OTUD7A: variants seen among roughly 807,000 people sequenced by gnomAD.
The protein encoded by OTUD7A is OTU deubiquitinase 7A.
OTUD7A carries 12 observed loss-of-function variants against 65.7 expected under a neutral mutation model. That is an observed-to-expected ratio of 0.18 (90% confidence interval 0.12 to 0.30). The LOEUF is 0.30. Among genes scored for constraint, OTUD7A ranks in the 10% least tolerant of loss-of-function variants. OTUD7A has a pLI of 1.00. For missense variants in OTUD7A, 1,148 were observed against 1,304.8 expected (o/e 0.88, Z 1.85); for synonymous variants, 641 against 586.3 (o/e 1.09, Z -1.35).
At position 31,751,613 on chromosome 15, in the gene OTUD7A, C is replaced by T. The variant is rs140102635; in HGVS notation, c.-99-94536G>A. Among the ~76,000 whole-genome samples the T allele has an allele frequency of 2.6e-5, 4 of 152,188 alleles. No homozygotes were observed. In the East Asian group the frequency reaches 7.7e-4, roughly 29 times the overall value. ...GTACTACCCAAAAGATACAAGCATA[C>T]GTATATTCATTGTAGCACTATTCAC... On this transcript the variant is annotated intron_variant, in intron 1 of 12. Coordinates refer to ENST00000307050, the MANE Select transcript of OTUD7A (RefSeq NM_001382637.1).
At chr15:31,588,447 G>T (rs1276115645) in intron 3 of OTUD7A, among the ~76,000 whole-genome samples, 1 of 152,198 alleles carries the variant, frequency 6.6e-6, no homozygotes, top group Non-Finnish European at 1.5e-5. Context: ...TGATGGGTTA[G>T]CAAGAAACAC....
At chr15:31,857,263 T>C (rs1897599952) in intron 1 of OTUD7A, among the ~76,000 whole-genome samples, 1 of 152,146 alleles carries the variant, frequency 6.6e-6, no homozygotes, top group Non-Finnish European at 1.5e-5. Context: ...CGGTAGCACC[T>C]AGGGCCTGCT....
At chr15:31,575,589 T>C (rs1889180839) in intron 3 of OTUD7A, among the ~76,000 whole-genome samples, 1 of 152,220 alleles carries the variant, frequency 6.6e-6, no homozygotes, top group Non-Finnish European at 1.5e-5. Flanking sequence ...ATGGGTTGAC[T>C]GAACTCTGTG....
chr15:31,720,490 C>G (rs558162417), intron 1 of OTUD7A, among the ~76,000 whole-genome samples: 7 of 151,990 alleles, frequency 4.6e-5, no homozygotes, highest in East Asian at 3.9e-4. Flanking sequence ...GGCTCTGCCC[C>G]CCGGGGTTCA....
At chr15:31,488,293 A>G (rs2041268348) in intron 10 of OTUD7A, among the ~76,000 whole-genome samples, 2 of 152,166 alleles carry the variant, frequency 1.3e-5, no homozygotes, top group Admixed American at 1.3e-4. Flanking sequence ...GGATTGACTC[A>G]TCACAAAACT....
At chr15:31,643,487 T>C (rs1161356977) in intron 3 of OTUD7A, among the ~76,000 whole-genome samples, 1 of 152,248 alleles carries the variant, frequency 6.6e-6, no homozygotes, top group Non-Finnish European at 1.5e-5. Flanking sequence ...AAAAAGTATC[T>C]TCCATAACTT....
chr15:31,510,972 C>CAT lies in OTUD7A; in HGVS notation c.894-7156_894-7155dup, dbSNP rs539746104. Among the ~76,000 whole-genome samples the CAT allele has an allele frequency of 1.3e-4, 11 of 83,366 alleles. 3 individuals are homozygous for CAT. The South Asian group carries it at 3.6e-3, about 27-fold the overall frequency. The allele number at this position is 83,366 out of a possible 152,430, so 54.7% of individuals were successfully genotyped here. A position where few individuals can be genotyped will look rare whatever the true frequency, so the allele number is the denominator to read the frequency against. On this transcript the variant is annotated intron_variant, in intron 8 of 12. Coordinates refer to ENST00000307050, the MANE Select transcript of OTUD7A (RefSeq NM_001382637.1). ...AACATATATGTATATCTATATGTAA[C>CAT]ATATGTATATCTATATGTAACATAT...
intron 1 of OTUD7A, among the ~76,000 whole-genome samples, chr15:31,750,660 C>G (rs940289015): frequency 6.6e-6 from 1 of 152,134 alleles, no homozygotes; most frequent in Admixed American, 6.5e-5. Context: ...AAAGTGGACA[C>G]ATAGATCAAT....
In OTUD7A at chr15:31,475,482, T is replaced by C. The variant is rs1190682594; in HGVS notation, c.*7812A>G. On this transcript the variant is annotated 3_prime_UTR_variant, in exon 13 of 13. Transcript: ENST00000307050. ...AATGGAGAAGCCATGTCACACAGAT[T>C]ACAGAGCTATTTTTACTTGAAATAA... 1.3e-5 allele frequency: 2 copies of C among 152,232 alleles called. No individual in the cohort carries two copies. The highest frequency in any genetic ancestry group is 2.9e-5 in the Non-Finnish European group (2 of 68,032). The allele number at this position is 152,232 out of a possible 1,614,324, so 9.4% of individuals were successfully genotyped here. A position where few individuals can be genotyped will look rare whatever the true frequency, so the allele number is the denominator to read the frequency against.
chr15:31,598,157 T>G (rs1426413205), intron 3 of OTUD7A, among the ~76,000 whole-genome samples: 1 of 152,172 alleles, frequency 6.6e-6, no homozygotes, highest in Non-Finnish European at 1.5e-5. Context: ...TCCACCTATT[T>G]GACATGTGGG....
intron 3 of OTUD7A, among the ~76,000 whole-genome samples, chr15:31,580,909 T>C (rs192013066): frequency 6.7e-4 from 102 of 152,202 alleles, no homozygotes; most frequent in African/African-American, 2.3e-3. Context: ...ATTTCAAAAA[T>C]TATCATCCCT....
At chr15:31,571,197 A>T (rs1457660395) in intron 3 of OTUD7A, among the ~76,000 whole-genome samples, 1 of 152,214 alleles carries the variant, frequency 6.6e-6, no homozygotes, top group African/African-American at 2.4e-5. Flanking sequence ...ACTATTATGT[A>T]TCCATAACAA....
intron 3 of OTUD7A, among the ~76,000 whole-genome samples, chr15:31,574,333 G>A (rs1027445880): frequency 5.3e-5 from 8 of 152,176 alleles, no homozygotes; most frequent in South Asian, 2.1e-4. Context: ...AAAACCAACC[G>A]TATCTGTGAG....
At position 31,480,081 on chromosome 15, in the gene OTUD7A, C is replaced by T. The variant is rs1173855863; in HGVS notation, c.*3213G>A. 6.6e-6 allele frequency: 1 copy of T among 152,212 alleles called. No homozygotes were observed. The highest frequency in any genetic ancestry group is 1.9e-4 in the East Asian group (1 of 5,194). 9.4% of individuals were successfully genotyped at this position (152,212 alleles called of 1,614,324 possible). ...CCGGAGCCCACAGTGGAGCTCCTTC[C>T]CACCTCCAGTTACCCTTCCAAGGGA... On this transcript the variant is annotated 3_prime_UTR_variant, in exon 13 of 13. Coordinates refer to ENST00000307050, the MANE Select transcript of OTUD7A (RefSeq NM_001382637.1).
intron 1 of OTUD7A, among the ~76,000 whole-genome samples, chr15:31,818,929 T>G (rs768968110): frequency 1.3e-5 from 2 of 152,086 alleles, no homozygotes; most frequent in Non-Finnish European, 2.9e-5. Context: ...CTCTACTTGA[T>G]GAGAATAAGT....
At chr15:31,751,258 C>T (rs1894626319) in intron 1 of OTUD7A, among the ~76,000 whole-genome samples, 1 of 151,976 alleles carries the variant, frequency 6.6e-6, no homozygotes, top group South Asian at 2.1e-4. Flanking sequence ...GGGTAAAGGA[C>T]ATAAAGAGAC....
intron 1 of OTUD7A, among the ~76,000 whole-genome samples, chr15:31,835,815 TAC>T (rs1254655360): frequency 6.6e-6 from 1 of 151,892 alleles, no homozygotes; most frequent in South Asian, 2.1e-4. Flanking sequence ...TATGTAAACA[TAC>T]ACACACAGAC....
chr15:31,748,342 T>C (rs1894535219), intron 1 of OTUD7A, among the ~76,000 whole-genome samples: 1 of 151,714 alleles, frequency 6.6e-6, no homozygotes, highest in Non-Finnish European at 1.5e-5. Context: ...CACACACACA[T>C]ATAAATATAT....
At chr15:31,568,849 A>T (rs1489938926) in intron 4 of OTUD7A, among the ~76,000 whole-genome samples, 1 of 152,196 alleles carries the variant, frequency 6.6e-6, no homozygotes, top group Non-Finnish European at 1.5e-5. Context: ...TACCCTGGCC[A>T]TGTGAAGTGC....
Sources: allele counts gnomAD v4.1 joint callset (sites outside exome capture counted in the v4.1 genomes callset), GRCh38; gene constraint gnomAD v4.1.1; transcripts MANE v1.5; gene names NCBI Gene and HGNC (gene_info 2026-07-23, HGNC 2026-07-21).